FUT8: variants seen among roughly 807,000 people sequenced by gnomAD.
The protein encoded by FUT8 is alpha-(1,6)-fucosyltransferase.
In FUT8, 29 loss-of-function variants were observed where a neutral mutation model predicts 71.3. The ratio of observed to expected loss-of-function variants is 0.41; its 90% CI spans 0.30 to 0.55. FUT8 has a LOEUF of 0.55. Among genes scored for constraint, FUT8 ranks in the 20% least tolerant of loss-of-function variants. The pLI is 0.34. For synonymous variants in FUT8, 254 were observed against 239.3 expected (o/e 1.06, Z -0.57); for missense variants, 544 against 702.1 (o/e 0.77, Z 2.55).
intron 1 of FUT8, among the ~76,000 whole-genome samples, chr14:65,428,823 T>C (rs915603197): frequency 6.6e-6 from 1 of 152,218 alleles, no homozygotes. Context: ...ATATGCTGTT[T>C]TAGTTTTTTG....
rs1891450588 is a variant in FUT8 at position 65,652,348 on chromosome 14, T to G, written c.598-16895T>G. On this transcript the variant is annotated intron_variant, in intron 6 of 10. Coordinates refer to ENST00000673929, the MANE Select transcript of FUT8 (RefSeq NM_001371533.1). This position sits in a 1 kb window ranked among gnomAD's most constrained non-coding sequence, Gnocchi z 4.0. ...CTGGTTGATTCAATATAAGAGGAAG[T>G]TGGCTGGTGGGAACGTCAGAGAAAT... 6.6e-6 allele frequency among the ~76,000 whole-genome samples: 1 copy of G among 152,208 alleles called. No individual in the cohort carries two copies. Among genetic ancestry groups the G allele is most frequent in the African/African-American group, 2.4e-5 (1 of 41,444 alleles).
In FUT8 at chr14:65,537,025, A is replaced by G. The variant is rs557578119; in HGVS notation, c.-227-24312A>G. Among the ~76,000 whole-genome samples the G allele has an allele frequency of 2.9e-3, 178 of 60,560 alleles. 1 individual carries two copies. Among genetic ancestry groups the G allele is most frequent in the African/African-American group, 0.011 (166 of 15,128 alleles). The allele number at this position is 60,560 out of a possible 152,430, so 39.7% of individuals were successfully genotyped here. A position where few individuals can be genotyped will look rare whatever the true frequency, so the allele number is the denominator to read the frequency against. On this transcript the variant is annotated intron_variant, in intron 2 of 10. Transcript: ENST00000673929. Reference sequence around the variant, plus strand: ...TTCAGAAAGCCAGTCTTCAAGTTCTATGATTTTTTTTCCTCAGCTTGGTCT... The same window carrying G: ...TTCAGAAAGCCAGTCTTCAAGTTCTGTGATTTTTTTTCCTCAGCTTGGTCT...
chr14:65,474,447 A>AAAAAAAAAAAAAAAAAAAG (rs2066201213), intron 2 of FUT8, among the ~76,000 whole-genome samples: 1 of 143,756 alleles, frequency 7.0e-6, no homozygotes, highest in Non-Finnish European at 1.5e-5. Context: ...TACTGAAAAA[A>AAAAAAAAAAAAAAAAAAAG]AAAAAAAAAA....
At chr14:65,706,193 G>A (rs745775390) in intron 7 of FUT8, among the ~76,000 whole-genome samples, 2 of 152,134 alleles carry the variant, frequency 1.3e-5, no homozygotes, top group Non-Finnish European at 2.9e-5. Context: ...TCCAGATGAA[G>A]AAACTGGGAT....
At chr14:65,490,531 A>G (rs764609337) in intron 2 of FUT8, among the ~76,000 whole-genome samples, 1 of 152,138 alleles carries the variant, frequency 6.6e-6, no homozygotes, top group Non-Finnish European at 1.5e-5. Context: ...AACATTTACA[A>G]AAGCCTGTAT....
At chr14:65,398,736 A>G in the FUT8 span, among the ~76,000 whole-genome samples, 1 of 151,940 alleles carries the variant, frequency 6.6e-6, no homozygotes, top group Non-Finnish European at 1.5e-5. Flanking sequence ...CTCAAAAAAA[A>G]AAAACAAAGA....
At chr14:65,405,636 A>C (rs1230495474), upstream of FUT8, among the ~76,000 whole-genome samples, 1 of 152,260 alleles carries the variant, frequency 6.6e-6, no homozygotes, top group Non-Finnish European at 1.5e-5. Context: ...GGAAGGATAC[A>C]GGGAAAGCCT....
intron 9 of FUT8, among the ~76,000 whole-genome samples, chr14:65,731,393 GA>G (rs563277057): frequency 3.4e-3 from 511 of 151,250 alleles, no homozygotes; most frequent in Non-Finnish European, 5.6e-3. Context: ...TTATAAAGTG[GA>G]AAAAAAAATT....
At chr14:65,516,119 G>T (rs1317178012) in intron 2 of FUT8, 3 of 151,618 alleles carry the variant, frequency 2.0e-5, no homozygotes, top group African/African-American at 7.3e-5. Context: ...TGCTATTGTT[G>T]TGCTTGTGAA....
At chr14:65,704,399 A>G (rs576564200) in intron 7 of FUT8, among the ~76,000 whole-genome samples, 2 of 152,174 alleles carry the variant, frequency 1.3e-5, no homozygotes, top group Admixed American at 1.3e-4. Flanking sequence ...CTCTTGGGTA[A>G]ATTTGATGAA....
At chr14:65,699,241 C>T (rs1594912183) in intron 7 of FUT8, among the ~76,000 whole-genome samples, 1 of 149,950 alleles carries the variant, frequency 6.7e-6, no homozygotes, top group Admixed American at 6.7e-5. Context: ...TGTTCCTAAC[C>T]CTGGGAAACT....
At chr14:65,491,492 A>G (rs1053335391) in intron 2 of FUT8, among the ~76,000 whole-genome samples, 5 of 152,142 alleles carry the variant, frequency 3.3e-5, no homozygotes, top group Non-Finnish European at 5.9e-5. Flanking sequence ...CAGCATGGGG[A>G]CAATAGGTTA....
chr14:65,410,848 G>A (rs529237740), upstream of FUT8: 1 of 151,858 alleles, frequency 6.6e-6, no homozygotes, highest in African/African-American at 2.4e-5. Flanking sequence ...TGACAGGCAC[G>A]ATGTGGCACT....
rs117162386 is a variant in FUT8, at chr14:65,536,273, T to G, written c.-227-25064T>G. The stretch of plus-strand genomic sequence containing the variant: ...TACATTCAAGGCTAGTATGGATATG[T>G]GTGGATTTGATCTTGTTATTGTGTT... On this transcript the variant is annotated intron_variant, in intron 2 of 10. Transcript: ENST00000673929. Among the ~76,000 whole-genome samples the G allele has an allele frequency of 5.7e-3, 875 of 152,322 alleles. 31 individuals carry two copies. The East Asian group carries it at 0.092, about 16-fold the overall frequency.
intron 3 of FUT8, among the ~76,000 whole-genome samples, chr14:65,577,608 AAT>A (rs140426257): frequency 0.016 from 2,412 of 152,256 alleles, 67 homozygotes; most frequent in African/African-American, 0.055. Flanking sequence ...TAGAACTCAG[AAT>A]ATGTTTTCAT....
intron 1 of FUT8, among the ~76,000 whole-genome samples, chr14:65,438,713 A>G (rs2065597565): frequency 6.6e-6 from 1 of 152,128 alleles, no homozygotes; most frequent in Non-Finnish European, 1.5e-5. Flanking sequence ...TCACACCTCC[A>G]TCTAAGGCAT....
chr14:65,684,690 G>A (rs1357114650), intron 7 of FUT8, among the ~76,000 whole-genome samples: 1 of 152,152 alleles, frequency 6.6e-6, no homozygotes, highest in Non-Finnish European at 1.5e-5. Flanking sequence ...TTTCCCCCAT[G>A]CTGTTCTTGG....
the FUT8 span, among the ~76,000 whole-genome samples, chr14:65,360,166 G>A: frequency 2.6e-5 from 4 of 152,132 alleles, no homozygotes; most frequent in African/African-American, 9.7e-5. Context: ...TGTGGGACTA[G>A]CCCTCATGCA....
At chr14:65,372,125 C>A in the FUT8 span, among the ~76,000 whole-genome samples, 1 of 152,036 alleles carries the variant, frequency 6.6e-6, no homozygotes, top group African/African-American at 2.4e-5. Flanking sequence ...TGATCAATCC[C>A]CCATGTGTAA....
Sources: gnomAD v4.1 joint callset for allele counts (sites outside exome capture counted in the v4.1 genomes callset) on GRCh38, gnomAD v4.1.1 for gene constraint, Gnocchi (gnomAD v3.1) non-coding constraint, MANE v1.5 for transcripts, NCBI Gene and HGNC (gene_info 2026-07-23, HGNC 2026-07-21) for gene names.